Variants in AMPH observed in about 807,000 individuals in gnomAD.
AMPH encodes amphiphysin (Stiff-Mann syndrome with breast cancer 128kD autoantigen).
In AMPH, 49 loss-of-function variants were observed where a neutral mutation model predicts 99.1. That is an observed-to-expected ratio of 0.49 (90% CI 0.39 to 0.63). The LOEUF (loss-of-function observed/expected upper bound fraction) is 0.63. Among genes scored for constraint, AMPH ranks in the 20% least tolerant of loss-of-function variants. The pLI is 0.00. For synonymous variants in AMPH, 314 were observed against 317.3 expected, an observed-to-expected ratio of 0.99 and a Z score of 0.11; for missense variants, 759 against 863.4, an observed-to-expected ratio of 0.88 and a Z score of 1.52.
rs77857979 is a variant in AMPH at position 38,596,395 on chromosome 7, G to C, written c.69+34888C>G. Among the ~76,000 whole-genome samples the C allele has an allele frequency of 1.5e-3, 224 of 152,234 alleles. 1 individual carries two copies. Among genetic ancestry groups the C allele is most frequent in the African/African-American group, 5.3e-3 (220 of 41,534 alleles). On this transcript the variant is annotated intron_variant, in intron 1 of 20. Transcript: ENST00000356264. ...TCTTCAGACAGAAATCAGGAGCCCG[G>C]GGAATTATTAGTCCTATCAGGCAAG...
At chr7:38,478,540 G>A (rs866854226) in intron 5 of AMPH, among the ~76,000 whole-genome samples, 1 of 152,114 alleles carries the variant, frequency 6.6e-6, no homozygotes, top group African/African-American at 2.4e-5. Flanking sequence ...TATACATGAT[G>A]TCTGGCATTC....
At chr7:38,400,678 T>A (rs1784816396) in intron 17 of AMPH, among the ~76,000 whole-genome samples, 1 of 152,238 alleles carries the variant, frequency 6.6e-6, no homozygotes. Flanking sequence ...AGAGAACTTG[T>A]CGTCTCTGAG....
chr7:38,429,096 AT>A (rs1387353419), intron 14 of AMPH: 1 of 1,290,194 alleles, frequency 7.8e-7, no homozygotes. Flanking sequence ...AGAATCTTCC[AT>A]CTTCTGTTTC....
intron 1 of AMPH, among the ~76,000 whole-genome samples, chr7:38,566,751 A>T (rs1791759503): frequency 6.6e-6 from 1 of 152,238 alleles, no homozygotes; most frequent in African/African-American, 2.4e-5. Flanking sequence ...CACTTCTCAA[A>T]AGAAGACATT....
intron 11 of AMPH, among the ~76,000 whole-genome samples, chr7:38,445,853 A>C (rs1786759019): frequency 6.6e-6 from 1 of 152,180 alleles, no homozygotes; most frequent in African/African-American, 2.4e-5. Flanking sequence ...CGGAGTTTTC[A>C]TGAATGGTTT....
chr7:38,470,133 C>G (rs907007167), intron 7 of AMPH, among the ~76,000 whole-genome samples: 2 of 152,184 alleles, frequency 1.3e-5, no homozygotes, highest in Non-Finnish European at 2.9e-5. Flanking sequence ...TTGTCCTGAT[C>G]CCCTGTTTGC....
chr7:38,565,408 A>T (rs1339491632), intron 1 of AMPH, among the ~76,000 whole-genome samples: 1 of 152,180 alleles, frequency 6.6e-6, no homozygotes, highest in Non-Finnish European at 1.5e-5. Flanking sequence ...TCGAGGTGCC[A>T]TCAACTGTTT....
intron 1 of AMPH, among the ~76,000 whole-genome samples, chr7:38,587,365 C>T (rs1792694127): frequency 1.3e-5 from 2 of 152,292 alleles, no homozygotes; most frequent in South Asian, 4.2e-4. Context: ...TCTAAACGTG[C>T]TTCAGAAGAG....
At chr7:38,419,227 C>T (rs1250806879) in intron 16 of AMPH, among the ~76,000 whole-genome samples, 1 of 152,056 alleles carries the variant, frequency 6.6e-6, no homozygotes, top group East Asian at 1.9e-4. Context: ...TGAGTCAGTG[C>T]ACATGGCAAG....
chr7:38,547,855 A>C (rs1791043534), intron 1 of AMPH, among the ~76,000 whole-genome samples: 1 of 152,156 alleles, frequency 6.6e-6, no homozygotes, highest in Non-Finnish European at 1.5e-5. Flanking sequence ...TTCTGATTAG[A>C]CTTCCACTGA....
At chr7:38,471,693 AAAAC>A (rs1787894441) in intron 7 of AMPH, among the ~76,000 whole-genome samples, 1 of 152,178 alleles carries the variant, frequency 6.6e-6, no homozygotes, top group Non-Finnish European at 1.5e-5. Context: ...CAGAATGGAT[AAAAC>A]ACACACCATG....
chr7:38,410,272 A>G (rs894967935), intron 17 of AMPH, among the ~76,000 whole-genome samples: 2 of 152,224 alleles, frequency 1.3e-5, no homozygotes, highest in Non-Finnish European at 2.9e-5. Flanking sequence ...GTGATCTGCA[A>G]ATCACCTGAA....
In AMPH at chr7:38,527,120, C is replaced by G. The variant is rs139546546; in HGVS notation, c.150+7811G>C. Reference sequence around the variant, plus strand: ...TTACCTATTCTGTTCTATTAATCTACATGTCTATCTCTCTGCCAATACAAT... The same window carrying G: ...TTACCTATTCTGTTCTATTAATCTAGATGTCTATCTCTCTGCCAATACAAT... On this transcript the variant is annotated intron_variant, in intron 2 of 20. Transcript: ENST00000356264. Among the ~76,000 whole-genome samples the G allele has an allele frequency of 8.7e-3, 1,300 of 150,094 alleles. 19 individuals carry two copies. Among genetic ancestry groups the G allele is most frequent in the African/African-American group, 0.027 (1,138 of 41,390 alleles).
chr7:38,488,526 G>T (rs1383974525), intron 5 of AMPH, among the ~76,000 whole-genome samples: 6 of 151,196 alleles, frequency 4.0e-5, no homozygotes, highest in African/African-American at 1.5e-4. Context: ...GTCGGGGGGT[G>T]GGGGGCTAGG....
At position 38,461,422 on chromosome 7, in the gene AMPH, T is replaced by C; in HGVS notation, c.889-11A>G. The C allele has an allele frequency of 6.2e-7, 1 of 1,613,918 alleles. No individual in the cohort carries two copies. The highest frequency in any genetic ancestry group is 8.5e-7 in the Non-Finnish European group (1 of 1,179,826). ...AGGCCCTTTCCTTGTCTAGGAAGCA[T>C]TAAATACAAACATTAATCCAGCCAA... On this transcript the variant is annotated splice_polypyrimidine_tract_variant and intron_variant, in intron 10 of 20. Transcript: ENST00000356264.
chr7:38,516,594 C>T (rs1789753176), intron 2 of AMPH, among the ~76,000 whole-genome samples: 2 of 152,178 alleles, frequency 1.3e-5, no homozygotes, highest in African/African-American at 4.8e-5. Context: ...AGGGCAGTGC[C>T]AAGAAGAAAT....
chr7:38,429,033 A>G lies in AMPH; in HGVS notation c.1182+809T>C, dbSNP rs757805098. On this transcript the variant is annotated intron_variant, in intron 14 of 20. Coordinates refer to ENST00000356264, the MANE Select transcript of AMPH (RefSeq NM_001635.4). ...TTCCTCTGTACCTTCTAGTGTCTTG[A>G]TATCAATAGCTCCAGTGTCTACCTT... 9.3e-6 allele frequency: 12 copies of G among 1,290,232 alleles called. No homozygotes were observed. In the South Asian group the frequency reaches 1.4e-4, roughly 15 times the overall value. 79.9% of individuals were successfully genotyped at this position (1,290,232 alleles called of 1,614,324 possible).
In AMPH at chr7:38,436,384, T is replaced by G; in HGVS notation, c.1022A>C (p.Glu341Ala). 1 of 1,613,280 alleles carries G rather than the reference T, an allele frequency of 6.2e-7. No individual in the cohort carries two copies. Among genetic ancestry groups the G allele is most frequent in the Non-Finnish European group, 8.5e-7 (1 of 1,179,232 alleles). ...EISVTTPSQN[E>A]VPEVKKEETL... ...CTCCTCTTTCTTCACCTCAGGGACT[T>G]CATTCTGTTAAAGCAAACAACAAAA... The change falls in exon 12 of 21, where the codon GAA (glutamate) becomes GCA (alanine). Residue 341 changes from glutamate (E) to alanine (A), a missense_variant. Physicochemically the swap from Glu to Ala is moderately radical, Grantham distance 107. This residue lies in a region of AMPH where 554 missense variants were observed against 575.6 expected (regional missense o/e 0.96). Transcript: ENST00000356264.
At chr7:38,542,708 C>T (rs1790851064) in intron 1 of AMPH, among the ~76,000 whole-genome samples, 1 of 152,176 alleles carries the variant, frequency 6.6e-6, no homozygotes, top group Non-Finnish European at 1.5e-5. Context: ...ATAATCCCAA[C>T]ACTTTGGGAG....
Sources: allele counts gnomAD v4.1 joint callset (sites outside exome capture counted in the v4.1 genomes callset), GRCh38; gene constraint gnomAD v4.1.1; regional missense constraint gnomAD v4.1.1; transcripts MANE v1.5; gene names NCBI Gene and HGNC (gene_info 2026-07-23, HGNC 2026-07-21).